WDHD1: variants seen among roughly 807,000 people sequenced by gnomAD.
The protein encoded by WDHD1 is WD repeat and HMG-box DNA binding protein 1.
In WDHD1, 111 loss-of-function variants were observed where a neutral mutation model predicts 135.4. The observed-to-expected ratio is 0.82, with a 90% CI of 0.70 to 0.96. The LOEUF is 0.96. WDHD1 is among the 40% of genes least tolerant of loss of function. The pLI is 0.00. For synonymous variants in WDHD1, 434 were observed against 439.0 expected, an observed-to-expected ratio of 0.99 and a Z score of 0.14; for missense variants, 1,351 against 1,336.3, an observed-to-expected ratio of 1.01 and a Z score of -0.17.
At chr14:55,013,723 CA>C in intron 2 of WDHD1, 127 bp from the exon 3 acceptor site, 1 of 701,206 alleles carries the variant, frequency 1.4e-6, no homozygotes, top group Admixed American at 2.3e-5. Flanking sequence ...CTGGATAATA[CA>C]GAGAGACCTA....
At chr14:55,018,401 C>T (rs1294841616) in intron 2 of WDHD1, among the ~76,000 whole-genome samples, 2 of 152,114 alleles carry the variant, frequency 1.3e-5, no homozygotes, top group African/African-American at 2.4e-5. Flanking sequence ...AATTCTGTAA[C>T]TGTACTTTGG....
At chr14:55,014,042 A>C (rs1395729816) in intron 2 of WDHD1, among the ~76,000 whole-genome samples, 1 of 152,246 alleles carries the variant, frequency 6.6e-6, no homozygotes, top group African/African-American at 2.4e-5. Context: ...TTTAAAAATA[A>C]AGTGCTAATT....
chr14:55,008,293 T>G, intron 6 of WDHD1, 23 bp downstream of exon 6: 5 of 1,608,076 alleles, frequency 3.1e-6, no homozygotes, highest in Non-Finnish European at 4.2e-6. Flanking sequence ...CAAAAAACTT[T>G]AAATTTAAAT....
chr14:54,945,403 CTA>C (rs1479584272), intron 24 of WDHD1, among the ~76,000 whole-genome samples: 1 of 152,180 alleles, frequency 6.6e-6, no homozygotes, highest in Non-Finnish European at 1.5e-5. Context: ...GACAATAACA[CTA>C]TGAGATGGAT....
At chr14:54,972,455 G>A (rs1223846519) in intron 16 of WDHD1, among the ~76,000 whole-genome samples, 1 of 145,232 alleles carries the variant, frequency 6.9e-6, no homozygotes, top group African/African-American at 2.5e-5. Context: ...GTGAACGCCT[G>A]TAATCCCAGC....
At position 54,960,689 on chromosome 14, in the gene WDHD1, G is replaced by T. The variant is rs2041237611; in HGVS notation, c.2701+1809C>A. 3.3e-5 allele frequency among the ~76,000 whole-genome samples: 5 copies of T among 150,928 alleles called. No individual in the cohort carries two copies. In the South Asian group the frequency reaches 1.1e-3, roughly 32 times the overall value. Reference sequence around the variant, plus strand: ...TAATTTTTTTTTTTGTATTTTTAGTGGAGATGTGGTTTCACCATTTTGGCC... The same window carrying T: ...TAATTTTTTTTTTTGTATTTTTAGTTGAGATGTGGTTTCACCATTTTGGCC... On this transcript the variant is annotated intron_variant, in intron 21 of 25. Transcript: ENST00000360586.
chr14:54,989,261 T>G (rs756850004), intron 12 of WDHD1, 49 bp from the exon 13 acceptor site: 19 of 1,395,518 alleles, frequency 1.4e-5, no homozygotes, highest in Non-Finnish European at 1.8e-5. Flanking sequence ...CTGAAGCTCC[T>G]AGAATCAGTA....
chr14:55,018,794 G>A (rs939593663), intron 2 of WDHD1, among the ~76,000 whole-genome samples: 8 of 152,242 alleles, frequency 5.3e-5, no homozygotes, highest in East Asian at 3.9e-4. Context: ...GGTGGCTCAC[G>A]CCTGTAATCC....
intron 11 of WDHD1, 68 bp downstream of exon 11, chr14:54,995,535 A>C (rs986250244): frequency 1.6e-6 from 2 of 1,220,510 alleles, no homozygotes; most frequent in Non-Finnish European, 2.2e-6. Context: ...AATGACTTTA[A>C]TAGTGTTAAT....
At chr14:54,980,313 G>C (rs2041596350) in intron 16 of WDHD1, among the ~76,000 whole-genome samples, 2 of 150,860 alleles carry the variant, frequency 1.3e-5, no homozygotes, top group East Asian at 1.9e-4. Context: ...GACAGAGTGA[G>C]ACTCTGTCTC....
chr14:54,991,097 G>A, intron 12 of WDHD1, 116 bp downstream of exon 12: 2 of 573,460 alleles, frequency 3.5e-6, no homozygotes, highest in Non-Finnish European at 6.2e-6. Context: ...CAACCAAAGT[G>A]CTCCAGGCTA....
intron 21 of WDHD1, among the ~76,000 whole-genome samples, chr14:54,961,559 T>C (rs940815794): frequency 6.6e-6 from 1 of 152,166 alleles, no homozygotes; most frequent in African/African-American, 2.4e-5. Context: ...CTGTTATTCA[T>C]CCTTCAGGTC....
chr14:55,002,618 T>TC (rs142808549), intron 7 of WDHD1, among the ~76,000 whole-genome samples: 27,485 of 151,892 alleles, frequency 0.18, 2,577 homozygotes, highest in Admixed American at 0.22. Flanking sequence ...TACTTTTTTT[T>TC]CCCCCAAGAG....
intron 21 of WDHD1, among the ~76,000 whole-genome samples, chr14:54,958,549 CCTCAGTGATCT>C: frequency 6.6e-6 from 1 of 152,320 alleles, no homozygotes; most frequent in Middle Eastern, 3.4e-3. Context: ...TTGCTAAGGC[CCTCAGTGATCT>C]CTACATTGTC....
chr14:54,942,265 A>C (rs1257370742), intron 25 of WDHD1, among the ~76,000 whole-genome samples: 1 of 151,764 alleles, frequency 6.6e-6, no homozygotes, highest in African/African-American at 2.4e-5. Flanking sequence ...TAAATAAATA[A>C]ATAAATAAAT....
chr14:55,014,748 AT>A, intron 2 of WDHD1, among the ~76,000 whole-genome samples: 1 of 152,306 alleles, frequency 6.6e-6, no homozygotes, highest in East Asian at 1.9e-4. Flanking sequence ...AGCAAAAAAA[AT>A]CTATATAAAG....
intron 24 of WDHD1, among the ~76,000 whole-genome samples, chr14:54,950,977 C>T (rs985621509): frequency 1.3e-5 from 2 of 152,140 alleles, no homozygotes; most frequent in African/African-American, 2.4e-5. Flanking sequence ...ATACCAGAAT[C>T]TCTGGGACAC....
At chr14:54,953,650 C>T (rs912327077) in intron 24 of WDHD1, among the ~76,000 whole-genome samples, 6 of 152,148 alleles carry the variant, frequency 3.9e-5, no homozygotes, top group Non-Finnish European at 8.8e-5. Context: ...ATAAATCATG[C>T]TGCTATAAAA....
chr14:54,993,741 C>T (rs2041830853), intron 11 of WDHD1, among the ~76,000 whole-genome samples: 1 of 127,796 alleles, frequency 7.8e-6, no homozygotes. Flanking sequence ...TGCCACTCTT[C>T]TCACTAATTT....
Sources: gnomAD v4.1 joint callset for allele counts (sites outside exome capture counted in the v4.1 genomes callset) on GRCh38, gnomAD v4.1.1 for gene constraint, MANE v1.5 for transcripts, NCBI Gene and HGNC (gene_info 2026-07-23, HGNC 2026-07-21) for gene names.